NOA1: variants seen among roughly 807,000 people sequenced by gnomAD.
NOA1 encodes the protein nitric oxide-associated protein 1.
NOA1 carries 35 observed loss-of-function variants against 58.4 expected under a neutral mutation model. The observed-to-expected ratio is 0.60, with a 90% CI of 0.46 to 0.79. The LOEUF is 0.79. Among genes scored for constraint, NOA1 ranks in the 30% least tolerant of loss-of-function variants. The pLI is 0.00. For synonymous variants in NOA1, 397 were observed against 373.4 expected, an observed-to-expected ratio of 1.06 and a Z score of -0.73; for missense variants, 895 against 894.6, an observed-to-expected ratio of 1.00 and a Z score of -0.01.
At chr4:56,976,315 G>A in intron 1 of NOA1, 127 bp downstream of exon 1, 3 of 759,172 alleles carry the variant, frequency 4.0e-6, no homozygotes, top group Non-Finnish European at 6.4e-6. Context: ...AGTGGGGAGA[G>A]AATTTGTAAA....
chr4:56,968,074 C>G (rs747382379), intron 4 of NOA1, among the ~76,000 whole-genome samples: 1 of 151,844 alleles, frequency 6.6e-6, no homozygotes, highest in Non-Finnish European at 1.5e-5. Flanking sequence ...TGTGCCACCA[C>G]GCCCAGCTAA....
chr4:56,967,308 AG>A (rs1284599692), intron 4 of NOA1, among the ~76,000 whole-genome samples: 1 of 151,246 alleles, frequency 6.6e-6, no homozygotes, highest in Non-Finnish European at 1.5e-5. Flanking sequence ...GGAGCCCAGG[AG>A]GTTGAGGCCA....
chr4:56,973,657 A>G (rs1385190907), intron 2 of NOA1, among the ~76,000 whole-genome samples: 1 of 152,180 alleles, frequency 6.6e-6, no homozygotes, highest in Non-Finnish European at 1.5e-5. Context: ...AAGCTGCTGC[A>G]TGGAGTAAAA....
At chr4:56,973,793 T>C (rs1578541573) in intron 2 of NOA1, 65 bp downstream of exon 2, 1 of 1,525,232 alleles carries the variant, frequency 6.6e-7, no homozygotes, top group East Asian at 2.3e-5. Context: ...CAGCTGTATT[T>C]CAGGTTGCTT....
At position 56,963,627 on chromosome 4, in the gene NOA1, T is replaced by G; in HGVS notation, c.1920A>C (p.Arg640Ser). ...CAGGTGTATAGCCTCGGAGATGCAG[T>G]CTGTCCTTAAAATTAGGTGTTACTG... ...WVSVTPNFKD[R>S]LHLRGYTPEG... Residue 640 changes from arginine to serine, a missense_variant, in exon 7 of 7, where the codon AGA (arginine) becomes AGC (serine). This residue lies in a region of NOA1 where 212 missense variants were observed against 221.3 expected (regional missense o/e 0.96). Transcript: ENST00000264230. The G allele has an allele frequency of 6.2e-7, 1 of 1,613,972 alleles. No homozygotes were observed. Among genetic ancestry groups the G allele is most frequent in the Non-Finnish European group, 8.5e-7 (1 of 1,179,986 alleles).
rs535592522 is a variant in NOA1 at position 56,976,614 on chromosome 4, C to T, written c.972G>A (p.Val324=). The T allele has an allele frequency of 6.2e-7, 1 of 1,614,254 alleles. No homozygotes were observed. The highest frequency in any genetic ancestry group is 1.3e-5 in the African/African-American group (1 of 75,074). Residue 324 remains valine (V), a synonymous_variant, in exon 1 of 7, where the codon GTG becomes GTA. Transcript: ENST00000264230. ...RLISAKTGYG[V]EELISALQRS... ...GCTGAAGGGCAGAGATCAACTCTTCCACTCCATAGCCGGTCTTGGCGCTGA... is the reference window on the plus strand; with the variant it reads ...GCTGAAGGGCAGAGATCAACTCTTCTACTCCATAGCCGGTCTTGGCGCTGA...
chr4:56,966,670 C>A lies in NOA1; in HGVS notation c.1714G>T (p.Asp572Tyr), dbSNP rs1411720584. The A allele has an allele frequency of 4.3e-6, 7 of 1,613,804 alleles. No individual in the cohort carries two copies. The highest frequency in any genetic ancestry group is 5.9e-6 in the Non-Finnish European group (7 of 1,179,868). ...NILPVHITSL[D>Y]RADALYQKHA... Reference sequence around the variant, plus strand: ...TTCTGATACAGAGCGTCTGCCCTGTCCAAGGAGGTGATATGCACAGGGAGG... The same window carrying A: ...TTCTGATACAGAGCGTCTGCCCTGTACAAGGAGGTGATATGCACAGGGAGG... The change falls in exon 5 of 7, where the codon GAC (aspartate) becomes TAC (tyrosine). Residue 572 changes from aspartate to tyrosine, a missense_variant. This residue lies in a region of NOA1 where 212 missense variants were observed against 221.3 expected (regional missense o/e 0.96). Transcript: ENST00000264230.
chr4:56,969,007 A>C (rs930611029), intron 3 of NOA1, among the ~76,000 whole-genome samples: 8 of 152,214 alleles, frequency 5.3e-5, no homozygotes, highest in African/African-American at 1.9e-4. Context: ...CTCTTTCTAA[A>C]TTCTGGTCTT....
At chr4:56,976,070 C>T (rs1721914836) in intron 1 of NOA1, among the ~76,000 whole-genome samples, 1 of 152,088 alleles carries the variant, frequency 6.6e-6, no homozygotes, top group Non-Finnish European at 1.5e-5. Flanking sequence ...ACAAACAAAA[C>T]ACAAAGTTCA....
At position 56,964,516 on chromosome 4, in the gene NOA1, C is replaced by G. The variant is rs1227259237; in HGVS notation, c.1775G>C (p.Gly592Ala). The change falls in exon 6 of 7, where the codon GGT (glycine) becomes GCT (alanine). Residue 592 changes from glycine (G) to alanine (A), a missense_variant. By Grantham distance (60) the Gly-to-Ala change is moderately conservative. This residue lies in a region of NOA1 where 212 missense variants were observed against 221.3 expected (regional missense o/e 0.96). Transcript: ENST00000264230. Reference sequence around the variant, plus strand: ...AAATCCTGCCATTCGTTCTTTTCCACCCATTGGAATCTTCCAATGAAATAA... The same window carrying G: ...AAATCCTGCCATTCGTTCTTTTCCAGCCATTGGAATCTTCCAATGAAATAA... ...AGHTLLQIPM[G>A]GKERMAGFPP... The G allele has an allele frequency of 1.2e-6, 2 of 1,613,628 alleles. No individual in the cohort carries two copies. The highest frequency in any genetic ancestry group is 2.7e-5 in the African/African-American group (2 of 74,886).
At chr4:56,972,784 T>C (rs1045482013) in intron 3 of NOA1, among the ~76,000 whole-genome samples, 1 of 152,146 alleles carries the variant, frequency 6.6e-6, no homozygotes, top group Non-Finnish European at 1.5e-5. Flanking sequence ...AATGATAAAA[T>C]AAGTTGGTTG....
chr4:56,969,396 A>G (rs1215916232), intron 3 of NOA1, among the ~76,000 whole-genome samples: 2 of 152,046 alleles, frequency 1.3e-5, no homozygotes, highest in Admixed American at 1.3e-4. Flanking sequence ...AACATGGAGA[A>G]AGCCCATCTC....
rs781221753 is a variant in NOA1, at chr4:56,973,206, T to A, written c.1457A>T (p.Gln486Leu). ...KSTKQVELTA[Q>L]DVKDAHWFYD... ...AAACCAGTGGGCATCTTTCACATCT[T>A]GTGCAGTCAATTCTACTTGTTTGGT... Residue 486 changes from glutamine (Q) to leucine (L), a missense_variant, in exon 3 of 7, where the codon CAA (glutamine) becomes CTA (leucine). Transcript: ENST00000264230. 6.2e-7 allele frequency: 1 copy of A among 1,614,194 alleles called. No individual in the cohort carries two copies. The highest frequency in any genetic ancestry group is 1.1e-5 in the South Asian group (1 of 91,088).
At chr4:56,966,018 CTTTTTTTTTT>C (rs57382498) in intron 5 of NOA1, among the ~76,000 whole-genome samples, 2 of 88,562 alleles carry the variant, frequency 2.3e-5, no homozygotes, top group African/African-American at 4.6e-5. Flanking sequence ...AGCAAATTTT[CTTTTTTTTTT>C]TTTTTTTTTT....
At chr4:56,968,960 C>CA (rs1721765250) in intron 3 of NOA1, among the ~76,000 whole-genome samples, 1 of 152,166 alleles carries the variant, frequency 6.6e-6, no homozygotes, top group Non-Finnish European at 1.5e-5. Flanking sequence ...GCAAAATGGT[C>CA]ACCCCATTCT....
At chr4:56,964,148 A>C (rs544641541) in intron 6 of NOA1, among the ~76,000 whole-genome samples, 20 of 151,428 alleles carry the variant, frequency 1.3e-4, no homozygotes, top group African/African-American at 4.9e-4. Context: ...GCTCACCGCA[A>C]CCTCCGCCTC....
intron 1 of NOA1, among the ~76,000 whole-genome samples, chr4:56,975,909 T>C (rs1248704184): frequency 6.6e-6 from 1 of 151,210 alleles, no homozygotes; most frequent in Non-Finnish European, 1.5e-5. Flanking sequence ...TAGCTTGGTG[T>C]GGTGGCGCAT....
intron 3 of NOA1, among the ~76,000 whole-genome samples, chr4:56,971,308 T>C (rs1578540112): frequency 1.1e-5 from 1 of 88,132 alleles, no homozygotes; most frequent in African/African-American, 4.9e-5. Flanking sequence ...AGAGTCAGAC[T>C]CCATCTCAAA....
At position 56,977,054 on chromosome 4, in the gene NOA1, C is replaced by A. The variant is rs746921121; in HGVS notation, c.532G>T (p.Val178Leu). ...GACAGCAGCCAGCAGCGCTGGCACA[C>A]GGTCCGTGCCAGCCCGCCGTCTGCC... Reference protein sequence around the residue: ...AEADGGLARTVCQRCWLLSHH... With the variant: ...AEADGGLARTLCQRCWLLSHH... Residue 178 changes from valine to leucine, a missense_variant, in exon 1 of 7, where the codon GTG becomes TTG. Transcript: ENST00000264230. 1 of 1,580,484 alleles carries A rather than the reference C, an allele frequency of 6.3e-7. No individual in the cohort carries two copies. The highest frequency in any genetic ancestry group is 1.1e-5 in the South Asian group (1 of 89,924).
Sources: gnomAD v4.1 joint callset for allele counts (sites outside exome capture counted in the v4.1 genomes callset) on GRCh38, gnomAD v4.1.1 for gene constraint, gnomAD v4.1.1 regional missense constraint, MANE v1.5 for transcripts, NCBI Gene and HGNC (gene_info 2026-07-23, HGNC 2026-07-21) for gene names.